The following ROBO4 variants were observed in gnomAD, a reference collection of about 807,000 sequenced individuals.
ROBO4 encodes the protein roundabout guidance receptor 4.
In ROBO4, 80 loss-of-function variants were observed where a neutral mutation model predicts 103.3. That is an observed-to-expected ratio of 0.77 (90% CI 0.65 to 0.93). The LOEUF (loss-of-function observed/expected upper bound fraction) is 0.93. Ranked by LOEUF, ROBO4 falls within the 40% of genes least tolerant of loss-of-function variation. The probability of loss-of-function intolerance (pLI) is 0.00; values close to 1 mark genes in which losing one functional copy is unlikely to be tolerated. For missense variants in ROBO4, 1,333 were observed against 1,305.3 expected (o/e 1.02, Z -0.33); for synonymous variants, 504 against 529.7 (o/e 0.95, Z 0.67).
At chr11:124,894,164 C>A in intron 8 of ROBO4, 37 bp downstream of exon 8, 1 of 1,579,064 alleles carries the variant, frequency 6.3e-7, no homozygotes, top group African/African-American at 1.3e-5. Context: ...GGGATGCAGG[C>A]TGAAGGGTAG....
rs747991828 is a variant in ROBO4, at chr11:124,895,558, C to A, written c.935G>T (p.Gly312Val). The change falls in exon 6 of 18, where the codon GGC (glycine) becomes GTC (valine). Residue 312 changes from glycine to valine, a missense_variant. Gly to Val is a moderately radical substitution (Grantham distance 109). Transcript: ENST00000306534. ...CTCGTAGTCTTGGCCCCAGTGGAGGCCTCCAAGCTCTGCGCTCTGCCAGCC... is the reference window on the plus strand; with the variant it reads ...CTCGTAGTCTTGGCCCCAGTGGAGGACTCCAAGCTCTGCGCTCTGCCAGCC... ...LAGWQSAELG[G>V]LHWGQDYEFK... 1.2e-6 allele frequency: 2 copies of A among 1,612,896 alleles called. No individual in the cohort carries two copies.
chr11:124,891,262 C>T, intron 12 of ROBO4, 37 bp downstream of exon 12: 1 of 1,499,460 alleles, frequency 6.7e-7, no homozygotes, highest in South Asian at 1.4e-5. Context: ...GCCCGCCTAC[C>T]ACCAGCTCAG....
intron 12 of ROBO4, among the ~76,000 whole-genome samples, chr11:124,891,020 A>G (rs113548901): frequency 2.0e-5 from 3 of 152,192 alleles, no homozygotes; most frequent in African/African-American, 7.2e-5. Context: ...GGTGCTTATT[A>G]AACGTTTGCT....
chr11:124,891,702 C>T lies in ROBO4; in HGVS notation c.1648G>A (p.Ala550Thr). 6.2e-7 allele frequency: 1 copy of T among 1,614,160 alleles called. No homozygotes were observed. Among genetic ancestry groups the T allele is most frequent in the Non-Finnish European group, 8.5e-7 (1 of 1,180,034 alleles). ...CAGTCTAGTGGGTCCCGGGCATCCG[C>T]CCCCAGCCGACTGCTGAGGCTGCTG... ...SSSSLSSRLG[A>T]DARDPLDCRR... is the part of the protein sequence containing the mutation. Residue 550 changes from alanine to threonine, a missense_variant, in exon 11 of 18, where the codon GCG becomes ACG. By Grantham distance (58) the Ala-to-Thr change is moderately conservative. Transcript: ENST00000306534.
intron 2 of ROBO4, 123 bp downstream of exon 2, chr11:124,896,809 C>A (rs1011991817): frequency 2.0e-6 from 3 of 1,513,918 alleles, no homozygotes; most frequent in African/African-American, 1.4e-5. Flanking sequence ...CCCTCCCAAG[C>A]CTTCCAGCCC....
chr11:124,884,988 C>T, intron 17 of ROBO4, 53 bp downstream of exon 17: 1 of 1,613,560 alleles, frequency 6.2e-7, no homozygotes, highest in Non-Finnish European at 8.5e-7. Flanking sequence ...TGGCTTCTTC[C>T]CAGAGGCCCT....
intron 12 of ROBO4, among the ~76,000 whole-genome samples, chr11:124,889,610 A>G (rs1484504144): frequency 1.3e-5 from 2 of 152,232 alleles, no homozygotes; most frequent in Non-Finnish European, 2.9e-5. Flanking sequence ...TATATCTGGC[A>G]AACTGAGCAG....
At chr11:124,893,814 A>G (rs1946834910) in intron 9 of ROBO4, 46 bp downstream of exon 9, 1 of 1,613,140 alleles carries the variant, frequency 6.2e-7, no homozygotes, top group Non-Finnish European at 8.5e-7. Flanking sequence ...TTCTGGCTGG[A>G]TGCTGAGGAG....
In ROBO4 at chr11:124,893,886, C is replaced by T. The variant is rs767092139; in HGVS notation, c.1478G>A (p.Arg493His). The T allele has an allele frequency of 3.0e-5, 49 of 1,612,662 alleles. No individual in the cohort carries two copies. Among genetic ancestry groups the T allele is most frequent in the South Asian group, 2.5e-4 (23 of 90,898 alleles). ...LGTAVCIHRR[R>H]RARVHLGPGL... ...TGGGCCCAGGTGCACCCTAGCTCGGCGCCGGCGGTGGATACACACGGCGGT... is the reference window on the plus strand; with the variant it reads ...TGGGCCCAGGTGCACCCTAGCTCGGTGCCGGCGGTGGATACACACGGCGGT... The change falls in exon 9 of 18, where the codon CGC becomes CAC. Residue 493 changes from arginine to histidine, a missense_variant. Arg to His is a conservative substitution (Grantham distance 29, BLOSUM62 0). Transcript: ENST00000306534.
chr11:124,895,091 C>T lies in ROBO4; in HGVS notation c.1139G>A (p.Arg380His), dbSNP rs186079701. The T allele has an allele frequency of 9.3e-6, 15 of 1,613,478 alleles. No individual in the cohort carries two copies. The highest frequency in any genetic ancestry group is 2.2e-5 in the East Asian group (1 of 44,884). ...AGCTAGTGGGGGTACCTGGTAGCCA[C>T]GGATGATGCCATTGTGGTTTTCAGC... ...PPAENHNGII[R>H]GYQVWSLGNT... The change falls in exon 7 of 18, where the codon CGT becomes CAT. Residue 380 changes from arginine to histidine, a missense_variant. Physicochemically the swap from Arg to His is conservative, Grantham distance 29 (BLOSUM62 0). Transcript: ENST00000306534.
Position 124,897,029 on chromosome 11 carries a change from A to T in ROBO4, c.303T>A (p.Asp101Glu). The change falls in exon 2 of 18, where the codon GAT becomes GAA. Residue 101 changes from aspartate to glutamate, a missense_variant. Coordinates refer to ENST00000306534, the MANE Select transcript of ROBO4 (RefSeq NM_019055.6). ...LQPPARGHAHDGQALSTDLGV... is the reference protein window; with the variant it reads ...LQPPARGHAHEGQALSTDLGV... ...CCAGGTCTGTGGACAGGGCCTGGCC[A>T]TCGTGGGCATGTCCCCGGGCAGGGG... is the stretch of plus-strand genomic sequence containing the variant. 3 of 1,613,952 alleles carry T rather than the reference A, an allele frequency of 1.9e-6. No individual in the cohort carries two copies. The highest frequency in any genetic ancestry group is 2.5e-6 in the Non-Finnish European group (3 of 1,179,928).
rs968383448 is a variant in ROBO4 at position 124,884,198 on chromosome 11, G to C, written c.*693C>G. ...GGTGCTCCCCTAAAAATGGTGCTCC[G>C]GGGAATGATCTCACAGAACTCAAGT... On this transcript the variant is annotated 3_prime_UTR_variant, in exon 18 of 18. Transcript: ENST00000306534. The C allele has an allele frequency of 6.6e-6, 1 of 152,162 alleles. No homozygotes were observed. The highest frequency in any genetic ancestry group is 1.9e-4 in the East Asian group (1 of 5,192). The allele number at this position is 152,162 out of a possible 1,614,324, so 9.4% of individuals were successfully genotyped here. A position where few individuals can be genotyped will look rare whatever the true frequency, so the allele number is the denominator to read the frequency against.
chr11:124,896,826 C>T, intron 2 of ROBO4, 106 bp downstream of exon 2: 1 of 1,524,330 alleles, frequency 6.6e-7, no homozygotes, highest in African/African-American at 1.4e-5. Context: ...GCCCAGGCCT[C>T]TGCTCACAGG....
rs1170631892 is a variant in ROBO4 at position 124,891,491 on chromosome 11, T to C, written c.1756A>G (p.Ile586Val). Residue 586 changes from isoleucine to valine, a missense_variant, in exon 12 of 18, where the codon ATC becomes GTC. Coordinates refer to ENST00000306534, the MANE Select transcript of ROBO4 (RefSeq NM_019055.6). ...GGGGTACTGGAGGGCAGCTCAGCGA[T>C]GAGGGAGCCATAAAAAGTGCTGGTG... Reference protein sequence around the residue: ...PDTSTFYGSLIAELPSSTPAR... With the variant: ...PDTSTFYGSLVAELPSSTPAR... The C allele has an allele frequency of 1.2e-6, 2 of 1,613,836 alleles. No individual in the cohort carries two copies. The highest frequency in any genetic ancestry group is 1.7e-6 in the Non-Finnish European group (2 of 1,179,854).
Position 124,884,893 on chromosome 11 carries a change from A to G in ROBO4, c.3022T>C (p.Ter1008ArgextTer55). ...KAGASPVDYS[*>R] ...CTGGGAAGTCTCAGGGACACGGTTC[A>G]GGAGTAATCTACAGGAGAAGCTGAA... Residue 1008 changes from the stop codon to arginine (R), a stop_lost, in exon 18 of 18, where the codon TGA becomes CGA. Coordinates refer to ENST00000306534, the MANE Select transcript of ROBO4 (RefSeq NM_019055.6). 6.2e-7 allele frequency: 1 copy of G among 1,614,222 alleles called. No individual in the cohort carries two copies. Among genetic ancestry groups the G allele is most frequent in the Non-Finnish European group, 8.5e-7 (1 of 1,180,028 alleles).
chr11:124,897,489 C>G (rs772655201), intron 1 of ROBO4: 5 of 584,546 alleles, frequency 8.6e-6, no homozygotes, highest in Non-Finnish European at 1.2e-5. Context: ...CTCTCTCTCT[C>G]TCTCTTACTT....
intron 12 of ROBO4, among the ~76,000 whole-genome samples, chr11:124,888,269 T>C (rs528533056): frequency 2.6e-5 from 4 of 152,380 alleles, no homozygotes; most frequent in Middle Eastern, 6.8e-3. Context: ...GCTACTCTCA[T>C]GAATTTTGGC....
chr11:124,885,177 C>T lies in ROBO4; in HGVS notation c.2865G>A (p.Glu955=), dbSNP rs1176799608. Residue 955 remains glutamate (E), a synonymous_variant, in exon 17 of 18, where the codon GAG becomes GAA. Coordinates refer to ENST00000306534, the MANE Select transcript of ROBO4 (RefSeq NM_019055.6). ...LTPNLSLPLW[E]WRPDWLEDME... is the part of the protein sequence containing the mutation. ...TGTCTTCCAACCAGTCTGGCCTCCA[C>T]TCCCACAGGGGCAGGGAGAGGTTGG... is the stretch of plus-strand genomic sequence containing the variant. 4.3e-6 allele frequency: 7 copies of T among 1,613,996 alleles called. No individual in the cohort carries two copies. The highest frequency in any genetic ancestry group is 5.9e-6 in the Non-Finnish European group (7 of 1,180,026).
intron 10 of ROBO4, 95 bp from the exon 11 acceptor site, chr11:124,891,897 G>A (rs1454209841): frequency 2.1e-6 from 3 of 1,396,666 alleles, no homozygotes; most frequent in East Asian, 2.4e-5. Flanking sequence ...AGCAGAAGAG[G>A]GCAAGGAGAT....
Sources: gnomAD v4.1 joint callset for allele counts (sites outside exome capture counted in the v4.1 genomes callset) on GRCh38, gnomAD v4.1.1 for gene constraint, MANE v1.5 for transcripts, NCBI Gene and HGNC (gene_info 2026-07-23, HGNC 2026-07-21) for gene names.